Variants in WDR90 observed in about 807,000 individuals in gnomAD.
WDR90 encodes WD repeat domain 90, also known as WD repeat-containing protein 90.
A neutral mutation model predicts 195.2 loss-of-function variants in WDR90; 238 were observed. That is an observed-to-expected ratio of 1.22 (90% CI 1.10 to 1.36). The LOEUF (loss-of-function observed/expected upper bound fraction) is 1.36, where lower values mean the gene tolerates loss of function less well. Ranked by LOEUF, WDR90 falls within the 40% of genes most tolerant of loss-of-function variation. WDR90 has a pLI of 0.00. For missense variants in WDR90, 2,734 were observed against 2,439.5 expected (o/e 1.12, Z -2.54); for synonymous variants, 1,265 against 1,052.4 (o/e 1.20, Z -3.91).
Position 662,802 on chromosome 16 carries a change from C to G in WDR90, c.4269C>G (p.Ala1423=). 6.3e-7 allele frequency: 1 copy of G among 1,598,614 alleles called. No individual in the cohort carries two copies. Among genetic ancestry groups the G allele is most frequent in the Non-Finnish European group, 8.5e-7 (1 of 1,173,640 alleles). The change falls in exon 34 of 41, where the codon GCC becomes GCG. Residue 1423 remains alanine (A), a synonymous_variant. Coordinates refer to ENST00000293879, the MANE Select transcript of WDR90 (RefSeq NM_145294.5). ...GCACGCTGTGGTTTGTCAGCTGGGCCGAGGGCACCAGCACACGTCTCATCA... is the reference window on the plus strand; with the variant it reads ...GCACGCTGTGGTTTGTCAGCTGGGCGGAGGGCACCAGCACACGTCTCATCA... The part of the protein sequence containing the change: ...TAGTLWFVSW[A]EGTSTRLISG...
In WDR90 at chr16:656,872, G is replaced by T. The variant is rs758196316; in HGVS notation, c.2342+1G>T. The T allele has an allele frequency of 6.2e-7, 1 of 1,612,090 alleles. No individual in the cohort carries two copies. On this transcript the variant is annotated splice_donor_variant, in intron 19 of 40. Coordinates refer to ENST00000293879, the MANE Select transcript of WDR90 (RefSeq NM_145294.5). LOFTEE classifies it high-confidence loss of function. ...CCGCTGAGGTCCTGGTGGAACACAC[G>T]TAAGTGCCCAGCTGGCCACCAGCCC...
chr16:667,416 C>A lies in WDR90; in HGVS notation c.5090-16C>A. On this transcript the variant is annotated splice_polypyrimidine_tract_variant and intron_variant, in intron 40 of 40. Transcript: ENST00000293879. ...CCTGGTCCTGGCCCTGGCCCACCTG[C>A]ACCGTCTACCCACAGAGTGCATGCT... 1 of 1,584,460 alleles carries A rather than the reference C, an allele frequency of 6.3e-7. No individual in the cohort carries two copies.
chr16:657,965 C>T, intron 21 of WDR90, 73 bp downstream of exon 21: 1 of 1,478,952 alleles, frequency 6.8e-7, no homozygotes, highest in Non-Finnish European at 9.0e-7. Flanking sequence ...GGAGGGAGGT[C>T]ACGGCCACTC....
Position 661,443 on chromosome 16 carries a change from T to C in WDR90, c.3615T>C (p.His1205=), listed in dbSNP as rs1270501407. ...TCTGCCAGCATCTCATTTTCCCCCA[T>C]AGCACCACCGTGCTGGCCCTGGCCT... The part of the protein sequence containing the change: ...GGLCQHLIFP[H]STTVLALAFS... The change falls in exon 30 of 41, where the codon CAT becomes CAC. Residue 1205 remains histidine, a synonymous_variant. Transcript: ENST00000293879. The C allele has an allele frequency of 1.9e-6, 3 of 1,612,388 alleles. No individual in the cohort carries two copies. Among genetic ancestry groups the C allele is most frequent in the African/African-American group, 2.7e-5 (2 of 75,018 alleles).
intron 9 of WDR90, 69 bp downstream of exon 9, chr16:652,108 G>A (rs1453510692): frequency 4.0e-6 from 6 of 1,486,318 alleles, no homozygotes; most frequent in South Asian, 1.2e-5. Flanking sequence ...AGCCCGCCCC[G>A]AGATGCATTC....
intron 18 of WDR90, 91 bp from the exon 19 acceptor site, chr16:656,641 C>G (rs2037761465): frequency 2.5e-6 from 4 of 1,568,704 alleles, no homozygotes; most frequent in Non-Finnish European, 3.5e-6. Flanking sequence ...GACTTTCCAG[C>G]CTGTGTCGGC....
Position 650,530 on chromosome 16 carries a change from A to G in WDR90, c.389-9A>G. On this transcript the variant is annotated splice_polypyrimidine_tract_variant and intron_variant, in intron 4 of 40. Transcript: ENST00000293879. ...GGGTGGGCGCTGACCCTGAGTGCCC[A>G]TCCTGCAGATCTGGTGGGTTTGGCC... is the stretch of plus-strand genomic sequence containing the variant. 1 of 1,596,102 alleles carries G rather than the reference A, an allele frequency of 6.3e-7. No individual in the cohort carries two copies. Among genetic ancestry groups the G allele is most frequent in the Non-Finnish European group, 8.6e-7 (1 of 1,167,000 alleles).
At position 656,284 on chromosome 16, in the gene WDR90, A is replaced by ACCCC; in HGVS notation, c.1967-17_1967-14dup. 1.5e-6 allele frequency: 2 copies of ACCCC among 1,352,232 alleles called. No individual in the cohort carries two copies. Among genetic ancestry groups the ACCCC allele is most frequent in the Non-Finnish European group, 2.1e-6 (2 of 950,860 alleles). 83.8% of individuals were successfully genotyped at this position (1,352,232 alleles called of 1,614,324 possible). A position where few individuals can be genotyped will look rare whatever the true frequency, so the allele number is the denominator to read the frequency against. ...CCCGGGGTGGCCCTGGAGGCCCCTG[A>ACCCC]CCCCACCCCACCCACAGAGCACGAG... On this transcript the variant is annotated splice_polypyrimidine_tract_variant and intron_variant, in intron 17 of 40. Transcript: ENST00000293879.
rs2151316410 is a variant in WDR90, at chr16:661,123, C to A, written c.3464C>A (p.Ser1155Tyr). The A allele has an allele frequency of 6.4e-7, 1 of 1,564,090 alleles. No homozygotes were observed. The highest frequency in any genetic ancestry group is 8.6e-7 in the Non-Finnish European group (1 of 1,162,496). The change falls in exon 29 of 41, where the codon TCC becomes TAC. Residue 1155 changes from serine (S) to tyrosine (Y), a missense_variant. Physicochemically the swap from Ser to Tyr is moderately radical, Grantham distance 144. Coordinates refer to ENST00000293879, the MANE Select transcript of WDR90 (RefSeq NM_145294.5). ...CACTCTGGCGCCCAGCAGCACTGGTCCGGCCACTCTGCGGAGATCTCCACG... is the reference window on the plus strand; with the variant it reads ...CACTCTGGCGCCCAGCAGCACTGGTACGGCCACTCTGCGGAGATCTCCACG... ...DLHSGAQQHWSGHSAEISTLA... is the reference protein window; with the variant it reads ...DLHSGAQQHWYGHSAEISTLA...
chr16:666,299 G>A lies in WDR90; in HGVS notation c.4689G>A (p.Leu1563=). 6.2e-7 allele frequency: 1 copy of A among 1,612,764 alleles called. No homozygotes were observed. The highest frequency in any genetic ancestry group is 1.7e-5 in the Admixed American group (1 of 60,022). The change falls in exon 37 of 41, where the codon CTG becomes CTA. Residue 1563 remains leucine, a synonymous_variant. Transcript: ENST00000293879. Reference sequence around the variant, plus strand: ...GCACAGGGACAACCTTCCGTGTGCTGAGTGACCACCAGGGCGCCCCAATCT... The same window carrying A: ...GCACAGGGACAACCTTCCGTGTGCTAAGTGACCACCAGGGCGCCCCAATCT... ...HPCTGTTFRV[L]SDHQGAPIST...
At chr16:655,517 T>C in intron 15 of WDR90, 49 bp downstream of exon 15, 1 of 1,543,234 alleles carries the variant, frequency 6.5e-7, no homozygotes, top group Non-Finnish European at 8.7e-7. Flanking sequence ...GGGGCCCTGG[T>C]GCCTGGGCCT....
chr16:658,708 C>G, intron 23 of WDR90, 55 bp downstream of exon 23: 1 of 1,584,826 alleles, frequency 6.3e-7, no homozygotes, highest in Non-Finnish European at 8.6e-7. Flanking sequence ...CTCAGGTGGC[C>G]CTGGAGACCC....
Position 666,959 on chromosome 16 carries a change from G to A in WDR90, c.5059G>A (p.Gly1687Arg), listed in dbSNP as rs764275490. Residue 1687 changes from glycine to arginine, a missense_variant, in exon 40 of 41, where the codon GGG (glycine) becomes AGG (arginine). Physicochemically the swap from Gly to Arg is moderately radical, Grantham distance 125. Coordinates refer to ENST00000293879, the MANE Select transcript of WDR90 (RefSeq NM_145294.5). ...FFAMSLSLSP[G>R]THLLAVGFAE... The stretch of plus-strand genomic sequence containing the variant: ...TGCCATGTCCCTGAGCCTGTCCCCC[G>A]GGACCCACCTCCTGGCTGTTGGCTT... The A allele has an allele frequency of 5.6e-5, 90 of 1,610,516 alleles. No homozygotes were observed. The highest frequency in any genetic ancestry group is 1.6e-4 in the Middle Eastern group (1 of 6,082).
intron 26 of WDR90, among the ~76,000 whole-genome samples, chr16:659,612 A>C (rs982362666): frequency 7.2e-5 from 11 of 152,136 alleles, no homozygotes; most frequent in African/African-American, 2.4e-4. Flanking sequence ...CCTTGGCCCC[A>C]GGCACCTTGT....
intron 26 of WDR90, 110 bp downstream of exon 26, chr16:659,486 C>A: frequency 1.4e-6 from 2 of 1,406,670 alleles, no homozygotes; most frequent in South Asian, 2.6e-5. Context: ...CAGGTGCCAT[C>A]GCTGCTCATC....
Position 652,499 on chromosome 16 carries a change from G to C in WDR90, c.1086G>C (p.Lys362Asn). The C allele has an allele frequency of 6.2e-7, 1 of 1,610,622 alleles. No individual in the cohort carries two copies. The highest frequency in any genetic ancestry group is 8.5e-7 in the Non-Finnish European group (1 of 1,178,246). The change falls in exon 10 of 41, where the codon AAG (lysine) becomes AAC (asparagine). Residue 362 changes from lysine to asparagine, a missense_variant. Physicochemically the swap from Lys to Asn is moderately conservative, Grantham distance 94 (BLOSUM62 0). Coordinates refer to ENST00000293879, the MANE Select transcript of WDR90 (RefSeq NM_145294.5). ...TCCCAGACCCAGTCCTGAGGCTCAA[G>C]GGCGTCATCGGCTTTGGGGGCCACG... ...GFLPDPVLRL[K>N]GVIGFGGHGT... is the part of the protein sequence containing the mutation.
In WDR90 at chr16:655,890, G is replaced by A. The variant is rs774357865; in HGVS notation, c.1966+1G>A. 2.5e-6 allele frequency: 4 copies of A among 1,591,032 alleles called. No homozygotes were observed. The highest frequency in any genetic ancestry group is 1.3e-5 in the African/African-American group (1 of 74,876). On this transcript the variant is annotated splice_donor_variant, in intron 17 of 40. Coordinates refer to ENST00000293879, the MANE Select transcript of WDR90 (RefSeq NM_145294.5). LOFTEE classifies it high-confidence loss of function. ...TTCTCCTCGGTGCTCCTGGAGGCAG[G>A]TGATGCTGTGGGCACGCTCTCCCAA...
chr16:650,947 G>A, intron 5 of WDR90, 48 bp from the exon 6 acceptor site: 1 of 1,601,070 alleles, frequency 6.2e-7, no homozygotes, highest in Non-Finnish European at 8.5e-7. Flanking sequence ...CCTGTGTTCA[G>A]GTGGCTAAAC....
At position 656,756 on chromosome 16, in the gene WDR90, G is replaced by T; in HGVS notation, c.2227G>T (p.Asp743Tyr). 6.2e-7 allele frequency: 1 copy of T among 1,613,170 alleles called. No individual in the cohort carries two copies. The highest frequency in any genetic ancestry group is 1.1e-5 in the South Asian group (1 of 91,084). Reference protein sequence around the residue: ...QQLYDFTSSEDAPCAVTFHPT... With the variant: ...QQLYDFTSSEYAPCAVTFHPT... ...GCTATACGACTTCACATCATCAGAG[G>T]ACGCCCCGTGCGCTGTCACCTTCCA... The change falls in exon 19 of 41, where the codon GAC becomes TAC. Residue 743 changes from aspartate to tyrosine, a missense_variant. By Grantham distance (160) the Asp-to-Tyr change is radical. Coordinates refer to ENST00000293879, the MANE Select transcript of WDR90 (RefSeq NM_145294.5).
Sources: gnomAD v4.1 joint callset for allele counts (sites outside exome capture counted in the v4.1 genomes callset) on GRCh38, gnomAD v4.1.1 for gene constraint, MANE v1.5 for transcripts, NCBI Gene and HGNC (gene_info 2026-07-23, HGNC 2026-07-21) for gene names.